Variants in GBF1 observed in about 807,000 individuals in gnomAD.
The protein encoded by GBF1 is golgi brefeldin A resistant guanine nucleotide exchange factor 1.
In GBF1, 114 loss-of-function variants were observed where a neutral mutation model predicts 210.5. That is an observed-to-expected ratio of 0.54 (90% CI 0.47 to 0.63). GBF1 has a LOEUF of 0.63. Ranked by LOEUF, GBF1 falls within the 30% of genes least tolerant of loss-of-function variation. The probability of loss-of-function intolerance (pLI) is 0.00; values close to 1 mark genes in which losing one functional copy is unlikely to be tolerated. For synonymous variants in GBF1, 850 were observed against 889.2 expected (o/e 0.96, Z 0.78); for missense variants, 1,851 against 2,357.7 (o/e 0.79, Z 4.45).
Position 102,376,303 on chromosome 10 carries a change from C to T in GBF1, c.3918C>T (p.Tyr1306=), listed in dbSNP as rs1320444350. ...GAQSDSELPS[Y]HQNDVSLDRG... ...AGTCAGATAGTGAGCTCCCATCCTACCATCAGAATGACGTGAGCCTGGATC... is the reference window on the plus strand; with the variant it reads ...AGTCAGATAGTGAGCTCCCATCCTATCATCAGAATGACGTGAGCCTGGATC... The change falls in exon 31 of 40, where the codon TAC becomes TAT. Residue 1306 remains tyrosine, a synonymous_variant. Coordinates refer to ENST00000369983, the MANE Select transcript of GBF1 (RefSeq NM_001377137.1). The T allele has an allele frequency of 6.2e-7, 1 of 1,614,068 alleles. No homozygotes were observed.
intron 3 of GBF1, among the ~76,000 whole-genome samples, chr10:102,301,648 G>A (rs1163475765): frequency 7.5e-5 from 10 of 133,284 alleles, no homozygotes; most frequent in South Asian, 5.0e-4. Context: ...GGGCAGAGGC[G>A]CTCCTCACAT....
chr10:102,358,269 C>A, intron 9 of GBF1, 83 bp downstream of exon 9: 1 of 1,246,986 alleles, frequency 8.0e-7, no homozygotes, highest in Non-Finnish European at 1.1e-6. Context: ...GAAGACCAAC[C>A]AACTGAGGGG....
rs60303630 is a variant in GBF1 at position 102,349,118 on chromosome 10, C to T, written c.296-2138C>T. ...GAGCCATGATTGCACCACTGCACCC[C>T]AGCCTGGGCGATAGAGCAAGACCCT... is the stretch of plus-strand genomic sequence containing the variant. On this transcript the variant is annotated intron_variant, in intron 4 of 39. Coordinates refer to ENST00000369983, the MANE Select transcript of GBF1 (RefSeq NM_001377137.1). Among the ~76,000 whole-genome samples the T allele has an allele frequency of 3.5e-4, 53 of 152,224 alleles. No homozygotes were observed. In the East Asian group the frequency reaches 9.6e-3, roughly 28 times the overall value.
At chr10:102,341,480 A>G (rs923887728) in intron 3 of GBF1, among the ~76,000 whole-genome samples, 1 of 152,242 alleles carries the variant, frequency 6.6e-6, no homozygotes, top group African/African-American at 2.4e-5. Context: ...GTTCACACAA[A>G]CACTGATACA....
chr10:102,305,573 G>T (rs1282600659), intron 3 of GBF1, among the ~76,000 whole-genome samples: 1 of 151,766 alleles, frequency 6.6e-6, no homozygotes, highest in Non-Finnish European at 1.5e-5. Flanking sequence ...TCATGCCACT[G>T]CACTCCAGGC....
chr10:102,370,641 C>T (rs2060155407), intron 28 of GBF1, 66 bp from the exon 29 acceptor site: 1 of 1,523,828 alleles, frequency 6.6e-7, no homozygotes, highest in Non-Finnish European at 9.1e-7. Context: ...CCTGAAAGGC[C>T]TAGGGGACCT....
At chr10:102,303,742 A>G (rs1016896535) in intron 3 of GBF1, among the ~76,000 whole-genome samples, 2 of 152,196 alleles carry the variant, frequency 1.3e-5, no homozygotes, top group East Asian at 1.9e-4. Context: ...AGTACTCTAA[A>G]TTATCTCAAA....
intron 1 of GBF1, among the ~76,000 whole-genome samples, chr10:102,250,986 C>A: frequency 7.3e-6 from 1 of 136,590 alleles, no homozygotes. Context: ...AACACAAAAC[C>A]AAACCCCATA....
Position 102,380,354 on chromosome 10 carries a change from G to C in GBF1, c.4984G>C (p.Asp1662His). The C allele has an allele frequency of 6.2e-7, 1 of 1,611,172 alleles. No individual in the cohort carries two copies. Among genetic ancestry groups the C allele is most frequent in the Non-Finnish European group, 8.5e-7 (1 of 1,177,480 alleles). ...MDKYMHAGSS[D>H]LLSEAIPESL... ...CAAGTACATGCACGCAGGCTCCAGC[G>C]ACTTACTGGTATGTTCTACCTCAGC... Residue 1662 changes from aspartate to histidine, a missense_variant, in exon 37 of 40, where the codon GAC (aspartate) becomes CAC (histidine). Asp to His is a moderately conservative substitution (Grantham distance 81). Coordinates refer to ENST00000369983, the MANE Select transcript of GBF1 (RefSeq NM_001377137.1).
intron 3 of GBF1, among the ~76,000 whole-genome samples, chr10:102,326,896 G>C (rs2056943288): frequency 6.6e-6 from 1 of 152,110 alleles, no homozygotes; most frequent in South Asian, 2.1e-4. Context: ...GATATATAAG[G>C]AGAAAAGGTA....
intron 3 of GBF1, among the ~76,000 whole-genome samples, chr10:102,299,306 G>A (rs1048236195): frequency 6.6e-6 from 1 of 152,132 alleles, no homozygotes; most frequent in African/African-American, 2.4e-5. Flanking sequence ...TGATTGCCAG[G>A]GGTTGGTGGT....
rs527919787 is a variant in GBF1, at chr10:102,346,136, C to A, written c.295+1954C>A. 5.3e-5 allele frequency among the ~76,000 whole-genome samples: 8 copies of A among 152,148 alleles called. No individual in the cohort carries two copies. In the East Asian group the frequency reaches 1.5e-3, roughly 29 times the overall value. On this transcript the variant is annotated intron_variant, in intron 4 of 39. Transcript: ENST00000369983. ...GACGGGGTTTCACCATTTTGTGCCA[C>A]CACGCCCGGCTAATTTTTGTATTTT...
intron 3 of GBF1, among the ~76,000 whole-genome samples, chr10:102,316,119 C>T (rs1589608583): frequency 2.1e-5 from 3 of 140,558 alleles, no homozygotes; most frequent in African/African-American, 8.0e-5. Context: ...TGGAGTCTCA[C>T]TCTGTCGCCC....
chr10:102,368,663 A>C, intron 22 of GBF1, 76 bp from the exon 23 acceptor site: 1 of 1,032,634 alleles, frequency 9.7e-7, no homozygotes, highest in Non-Finnish European at 1.5e-6. Flanking sequence ...GAAGAGCCCC[A>C]TGCAAGCTCA....
intron 20 of GBF1, 111 bp downstream of exon 20, chr10:102,367,321 T>A: frequency 7.5e-7 from 1 of 1,325,320 alleles, no homozygotes; most frequent in Middle Eastern, 1.9e-4. Context: ...TCCAAGGGAA[T>A]CAGGAAGGGC....
chr10:102,285,046 G>A (rs2075824017), intron 3 of GBF1, among the ~76,000 whole-genome samples: 1 of 152,116 alleles, frequency 6.6e-6, no homozygotes, highest in African/African-American at 2.4e-5. Flanking sequence ...TGAAATAACT[G>A]GATGGCTCTT....
At chr10:102,353,540 C>A in intron 7 of GBF1, 60 bp from the exon 8 acceptor site, 1 of 1,166,850 alleles carries the variant, frequency 8.6e-7, no homozygotes, top group Non-Finnish European at 1.3e-6. Flanking sequence ...TTGTGGCTGG[C>A]ATGGAGGGAG....
intron 3 of GBF1, among the ~76,000 whole-genome samples, chr10:102,308,932 G>A (rs2078174105): frequency 6.6e-6 from 1 of 151,930 alleles, no homozygotes; most frequent in Non-Finnish European, 1.5e-5. Context: ...ACTTCATGAT[G>A]CCATTTATGT....
chr10:102,357,860 G>A, intron 8 of GBF1, among the ~76,000 whole-genome samples, 179 bp from the exon 9 acceptor site: 1 of 152,208 alleles, frequency 6.6e-6, no homozygotes, highest in Admixed American at 6.5e-5. Flanking sequence ...CTGTGAAGTG[G>A]TAAATGTAGA....
Sources: gnomAD v4.1 joint callset for allele counts (sites outside exome capture counted in the v4.1 genomes callset) on GRCh38, gnomAD v4.1.1 for gene constraint, MANE v1.5 for transcripts, NCBI Gene and HGNC (gene_info 2026-07-23, HGNC 2026-07-21) for gene names.